Variants in CPA6 observed in about 807,000 individuals in gnomAD.
CPA6 encodes carboxypeptidase A6.
In CPA6, 58 loss-of-function variants were observed where a neutral mutation model predicts 63.3. The ratio of observed to expected loss-of-function variants is 0.92; its 90% CI spans 0.74 to 1.14. The LOEUF is 1.14. Ranked by LOEUF, CPA6 falls within the 50% of genes most tolerant of loss-of-function variation. The pLI, the probability that CPA6 is intolerant of heterozygous loss-of-function variation, is 0.00. For synonymous variants in CPA6, 185 were observed against 179.0 expected (o/e 1.03, Z -0.27); for missense variants, 565 against 526.6 (o/e 1.07, Z -0.71).
chr8:67,614,509 G>A lies in CPA6; in HGVS notation c.192+9667C>T, dbSNP rs77259903. Among the ~76,000 whole-genome samples the A allele has an allele frequency of 1.9e-4, 29 of 152,234 alleles. No individual in the cohort carries two copies. The East Asian group carries it at 5.2e-3, about 27-fold the overall frequency. The stretch of plus-strand genomic sequence containing the variant: ...GCCACAAGTAGCCCCCTTGAGACCC[G>A]CTGCTGAATAACTGAGGAAGTTCAG... On this transcript the variant is annotated intron_variant, in intron 2 of 10. Coordinates refer to ENST00000297770, the MANE Select transcript of CPA6 (RefSeq NM_020361.5).
At chr8:67,717,677 T>C (rs1168590221) in intron 1 of CPA6, among the ~76,000 whole-genome samples, 1 of 152,214 alleles carries the variant, frequency 6.6e-6, no homozygotes, top group African/African-American at 2.4e-5. Flanking sequence ...CCTGTGAATA[T>C]TACCTTATGT....
chr8:67,700,418 T>C (rs1489796441), intron 1 of CPA6, among the ~76,000 whole-genome samples: 1 of 152,216 alleles, frequency 6.6e-6, no homozygotes, highest in Non-Finnish European at 1.5e-5. Flanking sequence ...CTCCAGTAAT[T>C]ACTGGTGGCA....
intron 1 of CPA6, among the ~76,000 whole-genome samples, chr8:67,640,331 C>T (rs893311090): frequency 8.6e-5 from 13 of 151,418 alleles, no homozygotes; most frequent in Admixed American, 8.5e-4. Flanking sequence ...GCCTTCAGTA[C>T]CCCTTTGGCC....
chr8:67,683,336 C>G (rs981415657), intron 1 of CPA6, among the ~76,000 whole-genome samples: 2 of 152,176 alleles, frequency 1.3e-5, no homozygotes, highest in African/African-American at 4.8e-5. Flanking sequence ...CTTAATTTGC[C>G]TCATCATATC....
intron 1 of CPA6, among the ~76,000 whole-genome samples, chr8:67,703,897 G>A (rs1817077052): frequency 6.6e-6 from 1 of 151,946 alleles, no homozygotes; most frequent in South Asian, 2.1e-4. Flanking sequence ...TAACTCTGTG[G>A]CCCTTTAAGG....
At chr8:67,490,309 G>A (rs891223377) in intron 6 of CPA6, among the ~76,000 whole-genome samples, 4 of 152,040 alleles carry the variant, frequency 2.6e-5, no homozygotes, top group Non-Finnish European at 5.9e-5. Context: ...TTTAGCAATC[G>A]ATACATACCC....
intron 8 of CPA6, among the ~76,000 whole-genome samples, chr8:67,457,476 T>A (rs1810701571): frequency 6.6e-6 from 1 of 152,108 alleles, no homozygotes. Flanking sequence ...AGCAATCTGA[T>A]CCCTTCCTCT....
intron 2 of CPA6, chr8:67,569,508 T>C: frequency 2.3e-6 from 1 of 425,580 alleles, no homozygotes; most frequent in South Asian, 2.0e-5. Context: ...AATCTAACAG[T>C]GATGAATCAG....
At chr8:67,444,007 TC>T (rs1426193267) in intron 8 of CPA6, among the ~76,000 whole-genome samples, 1 of 151,698 alleles carries the variant, frequency 6.6e-6, no homozygotes, top group Non-Finnish European at 1.5e-5. Flanking sequence ...TTTTTTTTTT[TC>T]TGAGACGGAG....
intron 10 of CPA6, among the ~76,000 whole-genome samples, chr8:67,422,992 A>G (rs1429822697): frequency 1.3e-5 from 2 of 152,206 alleles, no homozygotes; most frequent in African/African-American, 2.4e-5. Context: ...TCATTCACCT[A>G]TAAACAACCT....
chr8:67,524,102 C>T (rs1029645210), intron 2 of CPA6, among the ~76,000 whole-genome samples: 1 of 152,148 alleles, frequency 6.6e-6, no homozygotes, highest in Non-Finnish European at 1.5e-5. Context: ...ACCTTATTTA[C>T]TCTTAAAATT....
intron 2 of CPA6, among the ~76,000 whole-genome samples, chr8:67,567,411 C>T (rs1192780049): frequency 1.3e-5 from 2 of 152,186 alleles, no homozygotes; most frequent in Admixed American, 6.5e-5. Context: ...TCTTATATGG[C>T]AATCATTGAC....
At chr8:67,716,558 G>A (rs1297654689) in intron 1 of CPA6, among the ~76,000 whole-genome samples, 2 of 152,160 alleles carry the variant, frequency 1.3e-5, no homozygotes, top group Non-Finnish European at 2.9e-5. Flanking sequence ...AAACAATAGG[G>A]CAGAGGAAGC....
chr8:67,450,404 A>G (rs1810529165), intron 8 of CPA6, among the ~76,000 whole-genome samples: 1 of 152,238 alleles, frequency 6.6e-6, no homozygotes, highest in African/African-American at 2.4e-5. Flanking sequence ...AGTTCAAGGA[A>G]GAAGACAAAG....
chr8:67,483,852 A>G lies in CPA6; in HGVS notation c.754T>C (p.Phe252Leu), dbSNP rs748596013. The G allele has an allele frequency of 1.9e-6, 3 of 1,613,616 alleles. No individual in the cohort carries two copies. Among genetic ancestry groups the G allele is most frequent in the Non-Finnish European group, 2.5e-6 (3 of 1,179,530 alleles). The part of the protein sequence containing the change: ...GYHFSWTNDR[F>L]WRKTRSRNSR... ...TTCCTTGACCTTGTTTTTCTCCAAA[A>G]TCGATCCTAGACATAATTAAGAAAA... is the stretch of plus-strand genomic sequence containing the variant. The change falls in exon 8 of 11, where the codon TTT becomes CTT. Residue 252 changes from phenylalanine to leucine, a missense_variant. Physicochemically the swap from Phe to Leu is conservative, Grantham distance 22 (BLOSUM62 0). Coordinates refer to ENST00000297770, the MANE Select transcript of CPA6 (RefSeq NM_020361.5).
At chr8:67,712,335 G>A (rs1001088541) in intron 1 of CPA6, among the ~76,000 whole-genome samples, 10 of 152,178 alleles carry the variant, frequency 6.6e-5, no homozygotes, top group African/African-American at 1.4e-4. Flanking sequence ...ACTGCTAGCC[G>A]TACTGGGGTG....
intron 1 of CPA6, among the ~76,000 whole-genome samples, chr8:67,634,258 C>A (rs554546796): frequency 4.7e-5 from 7 of 147,540 alleles, no homozygotes; most frequent in Non-Finnish European, 1.0e-4. Flanking sequence ...CTCGCTCTGT[C>A]GCCCAGGCTG....
chr8:67,596,504 T>G (rs925550336), intron 2 of CPA6, among the ~76,000 whole-genome samples: 2 of 152,128 alleles, frequency 1.3e-5, no homozygotes, highest in Admixed American at 1.3e-4. Context: ...CTTTGTAGTT[T>G]CACTGTATTT....
At chr8:67,651,185 T>A (rs1422246115) in intron 1 of CPA6, among the ~76,000 whole-genome samples, 5 of 152,188 alleles carry the variant, frequency 3.3e-5, no homozygotes, top group Non-Finnish European at 7.3e-5. Context: ...GGCTGCATTT[T>A]TTTAGTGCTT....
Sources: allele counts gnomAD v4.1 joint callset (sites outside exome capture counted in the v4.1 genomes callset), GRCh38; gene constraint gnomAD v4.1.1; transcripts MANE v1.5; gene names NCBI Gene and HGNC (gene_info 2026-07-23, HGNC 2026-07-21).